Variants in GTF2I observed in about 807,000 individuals in gnomAD.
GTF2I encodes general transcription factor IIi, also known as general transcription factor II-I.
In GTF2I, 12 loss-of-function variants were observed where a neutral mutation model predicts 67.6. That is an observed-to-expected ratio of 0.18 (90% CI 0.11 to 0.29). The LOEUF (loss-of-function observed/expected upper bound fraction) is 0.29. Among genes scored for constraint, GTF2I ranks in the 10% least tolerant of loss-of-function variants. The pLI, the probability that GTF2I is intolerant of heterozygous loss-of-function variation, is 1.00. For missense variants in GTF2I, 271 were observed against 580.1 expected, an observed-to-expected ratio of 0.47 and a Z score of 5.47; for synonymous variants, 149 against 197.0, an observed-to-expected ratio of 0.76 and a Z score of 2.04.
chr7:74,691,409 T>C (rs1363162963), intron 3 of GTF2I, among the ~76,000 whole-genome samples: 2 of 152,180 alleles, frequency 1.3e-5, no homozygotes, highest in Non-Finnish European at 2.9e-5. Flanking sequence ...TTTCTCCATG[T>C]TGGTCAGGCT....
At chr7:74,693,561 G>C (rs1788573713) in intron 3 of GTF2I, among the ~76,000 whole-genome samples, 1 of 151,846 alleles carries the variant, frequency 6.6e-6, no homozygotes, top group South Asian at 2.1e-4. Flanking sequence ...ATTGAAATTA[G>C]GCCGGCCAGG....
At chr7:74,663,411 G>A (rs1257997044) in intron 1 of GTF2I, among the ~76,000 whole-genome samples, 1 of 152,020 alleles carries the variant, frequency 6.6e-6, no homozygotes, top group Non-Finnish European at 1.5e-5. Flanking sequence ...TTAGCCTCAC[G>A]AGTAGCTGGG....
intron 1 of GTF2I, among the ~76,000 whole-genome samples, chr7:74,672,344 C>A (rs1805536412): frequency 6.6e-6 from 1 of 152,044 alleles, no homozygotes; most frequent in Non-Finnish European, 1.5e-5. Context: ...AGTTTGAGAC[C>A]AGCCTGGGCA....
chr7:74,723,922 C>G (rs1310452466), intron 12 of GTF2I, among the ~76,000 whole-genome samples: 5 of 151,012 alleles, frequency 3.3e-5, no homozygotes, highest in Non-Finnish European at 5.9e-5. Context: ...TTGGGAGCCT[C>G]TTGGAACTAC....
Position 74,700,260 on chromosome 7 carries a change from C to A in GTF2I, c.387C>A (p.Gly129=). 1 of 1,613,956 alleles carries A rather than the reference C, an allele frequency of 6.2e-7. No homozygotes were observed. The change falls in exon 5 of 35, where the codon GGC becomes GGA. Residue 129 remains glycine, a synonymous_variant. Transcript: ENST00000573035. ...CATCTGCCCCAGGGAAAGCTTTAGG[C>A]AAATCCACAGTGGTACCTGTACCAT... ...YFCFCYGKAL[G]KSTVVPVPYE...
intron 12 of GTF2I, among the ~76,000 whole-genome samples, chr7:74,728,258 C>T (rs782687456): frequency 4.6e-5 from 7 of 152,122 alleles, no homozygotes; most frequent in Admixed American, 1.3e-4. Context: ...GCCAAGATTG[C>T]ATCACTGAAC....
intron 1 of GTF2I, among the ~76,000 whole-genome samples, chr7:74,685,441 G>A (rs1554395188): frequency 4.6e-5 from 7 of 152,164 alleles, no homozygotes. Flanking sequence ...AGGTTGCAGT[G>A]AGCTGAGATA....
intron 2 of GTF2I, 121 bp downstream of exon 2, chr7:74,689,348 C>CTTT (rs1162860651): frequency 3.5e-3 from 500 of 144,864 alleles, no homozygotes; most frequent in Middle Eastern, 0.014. Context: ...TTTTTCTTTA[C>CTTT]TTTTTTTTTT....
chr7:74,700,633 A>G lies in GTF2I; in HGVS notation c.585A>G (p.Val195=). The G allele has an allele frequency of 4.3e-6, 7 of 1,613,952 alleles. No individual in the cohort carries two copies. The highest frequency in any genetic ancestry group is 1.7e-4 in the Middle Eastern group (1 of 6,058). The part of the protein sequence containing the change: ...KRPFLEPKKH[V]GGRVMVTDAD... ...CTTTTTTAGAGCCAAAGAAGCATGT[A>G]GGTAAGTAAGTGCTTTGCTTCCTTG... The change falls in exon 6 of 35, where the codon GTA becomes GTG. Residue 195 remains valine, a splice_region_variant and synonymous_variant. Transcript: ENST00000573035.
intron 1 of GTF2I, among the ~76,000 whole-genome samples, chr7:74,659,379 C>T (rs1804266906): frequency 6.6e-6 from 1 of 151,832 alleles, no homozygotes; most frequent in Non-Finnish European, 1.5e-5. Flanking sequence ...AGGCGCATGC[C>T]ATCATGCCCT....
intron 12 of GTF2I, among the ~76,000 whole-genome samples, chr7:74,728,496 T>C (rs1794150275): frequency 8.3e-6 from 1 of 119,882 alleles, no homozygotes; most frequent in African/African-American, 3.3e-5. Context: ...TCTTGGCAAT[T>C]TGAAAGTTAT....
In GTF2I at chr7:74,669,303, A is replaced by G. The variant is rs1315529967; in HGVS notation, c.-6+11235A>G. On this transcript the variant is annotated intron_variant, in intron 1 of 34. Coordinates refer to ENST00000573035, the MANE Select transcript of GTF2I (RefSeq NM_032999.4). ...GAGTGCAATGGCACAATCTCAGCTC[A>G]GTACAACCTCCACTTCCTGGGTTCA... Among the ~76,000 whole-genome samples, 8 of 133,952 alleles carry G rather than the reference A, an allele frequency of 6.0e-5. No homozygotes were observed. The Admixed American group carries it at 7.2e-4, about 12-fold the overall frequency. The allele number at this position is 133,952 out of a possible 152,430, so 87.9% of individuals were successfully genotyped here. A position where few individuals can be genotyped will look rare whatever the true frequency, so the allele number is the denominator to read the frequency against.
At chr7:74,705,967 T>G (rs1356240151) in intron 7 of GTF2I, among the ~76,000 whole-genome samples, 1 of 152,178 alleles carries the variant, frequency 6.6e-6, no homozygotes, top group Non-Finnish European at 1.5e-5. Flanking sequence ...TCTTTTTTTT[T>G]GTGGAGACAG....
At chr7:74,713,539 G>C (rs782712206) in intron 9 of GTF2I, among the ~76,000 whole-genome samples, 5 of 152,098 alleles carry the variant, frequency 3.3e-5, no homozygotes, top group Non-Finnish European at 7.4e-5. Flanking sequence ...TATAAAAATT[G>C]ACTGTATACT....
At chr7:74,678,134 A>G (rs1806071189) in intron 1 of GTF2I, among the ~76,000 whole-genome samples, 1 of 151,464 alleles carries the variant, frequency 6.6e-6, no homozygotes, top group Admixed American at 6.6e-5. Flanking sequence ...GGCTCACTGC[A>G]GCCTTCACCT....
chr7:74,700,006 C>G, intron 4 of GTF2I: 2 of 396,448 alleles, frequency 5.0e-6, no homozygotes, highest in Non-Finnish European at 9.0e-6. Context: ...AACCATTGCT[C>G]TCTCTATGTG....
At chr7:74,706,568 T>C in intron 8 of GTF2I, 135 bp downstream of exon 8, 1 of 639,574 alleles carries the variant, frequency 1.6e-6, no homozygotes, top group East Asian at 2.7e-5. Context: ...ATTCCAACTG[T>C]GACACTATTT....
intron 1 of GTF2I, among the ~76,000 whole-genome samples, chr7:74,663,950 C>T (rs1162599835): frequency 2.6e-5 from 4 of 152,230 alleles, no homozygotes; most frequent in African/African-American, 9.6e-5. Context: ...CTGCCTCAGT[C>T]TCCTAAGTAG....
chr7:74,675,556 TTGGG>T (rs1554392127), intron 1 of GTF2I, among the ~76,000 whole-genome samples: 1 of 152,138 alleles, frequency 6.6e-6, no homozygotes, highest in African/African-American at 2.4e-5. Flanking sequence ...GCTGTTTTTT[TTGGG>T]GGGGGCAGAA....
Sources: gnomAD v4.1 joint callset for allele counts (sites outside exome capture counted in the v4.1 genomes callset) on GRCh38, gnomAD v4.1.1 for gene constraint, MANE v1.5 for transcripts, NCBI Gene and HGNC (gene_info 2026-07-23, HGNC 2026-07-21) for gene names.